SGCD: variants seen among roughly 807,000 people sequenced by gnomAD.
SGCD encodes the protein sarcoglycan delta.
A neutral mutation model predicts 36.6 loss-of-function variants in SGCD; 18 were observed. The ratio of observed to expected loss-of-function variants is 0.49; its 90% CI spans 0.34 to 0.73. The LOEUF (loss-of-function observed/expected upper bound fraction) is 0.73. SGCD is among the 30% of genes least tolerant of loss of function. The probability of loss-of-function intolerance (pLI) is 0.01; values close to 1 mark genes in which losing one functional copy is unlikely to be tolerated. For missense variants in SGCD, 387 were observed against 346.7 expected, an observed-to-expected ratio of 1.12 and a Z score of -0.92; for synonymous variants, 133 against 130.6, an observed-to-expected ratio of 1.02 and a Z score of -0.12.
At chr5:155,904,855 T>G (rs1351690181) in intron 1 of SGCD, among the ~76,000 whole-genome samples, 1 of 152,218 alleles carries the variant, frequency 6.6e-6, no homozygotes, top group Non-Finnish European at 1.5e-5. Flanking sequence ...ATGTTTAATC[T>G]TGTAGTGCAA....
At chr5:156,486,687 A>ACTTG (rs1755678317) in intron 3 of SGCD, among the ~76,000 whole-genome samples, 1 of 152,084 alleles carries the variant, frequency 6.6e-6, no homozygotes, top group Non-Finnish European at 1.5e-5. Context: ...CCCACCTGCC[A>ACTTG]CCATTGGCAC....
intron 3 of SGCD, among the ~76,000 whole-genome samples, chr5:156,408,345 G>T (rs1051525817): frequency 6.6e-6 from 1 of 150,854 alleles, no homozygotes; most frequent in Admixed American, 6.6e-5. Context: ...TCCTGTGGAG[G>T]AACCCAAGTT....
At chr5:156,232,211 A>G (rs1374248307) in intron 3 of SGCD, among the ~76,000 whole-genome samples, 1 of 151,802 alleles carries the variant, frequency 6.6e-6, no homozygotes, top group Non-Finnish European at 1.5e-5. Flanking sequence ...ACTTTGCTGC[A>G]ATTAGCTTAA....
the SGCD span, among the ~76,000 whole-genome samples, chr5:155,733,697 G>A: frequency 6.6e-6 from 1 of 151,992 alleles, no homozygotes; most frequent in South Asian, 2.1e-4. Flanking sequence ...CAGTGGAGAA[G>A]TAAAAGTTGA....
intron 6 of SGCD, among the ~76,000 whole-genome samples, chr5:156,620,809 A>G (rs1341128966): frequency 6.6e-6 from 1 of 152,210 alleles, no homozygotes; most frequent in East Asian, 1.9e-4. Context: ...TTACTTTCCC[A>G]AAGACTGAAT....
chr5:155,738,802 T>C, the SGCD span, among the ~76,000 whole-genome samples: 1 of 146,396 alleles, frequency 6.8e-6, no homozygotes, highest in Non-Finnish European at 1.5e-5. Flanking sequence ...GCATGTAGTG[T>C]GTGTAAGAGA....
At chr5:156,591,153 TCC>T (rs768259247) in intron 5 of SGCD, among the ~76,000 whole-genome samples, 1 of 152,102 alleles carries the variant, frequency 6.6e-6, no homozygotes, top group Non-Finnish European at 1.5e-5. Flanking sequence ...CACCCAGCCA[TCC>T]CAGCAGACAA....
chr5:156,214,953 G>T (rs1020698622), intron 3 of SGCD, among the ~76,000 whole-genome samples: 1 of 152,032 alleles, frequency 6.6e-6, no homozygotes, highest in Non-Finnish European at 1.5e-5. Context: ...AAATCAAAAT[G>T]TATTAAAGTC....
intron 1 of SGCD, among the ~76,000 whole-genome samples, chr5:155,963,904 C>G (rs371471766): frequency 1.3e-5 from 2 of 152,108 alleles, no homozygotes; most frequent in South Asian, 2.1e-4. Flanking sequence ...AAAGTTGATG[C>G]TTTGGTGCAC....
chr5:156,119,368 T>A (rs953790932), intron 2 of SGCD, among the ~76,000 whole-genome samples: 4 of 152,114 alleles, frequency 2.6e-5, no homozygotes, highest in Admixed American at 1.3e-4. Context: ...CACTTCCTAG[T>A]TATGTGATTT....
intron 3 of SGCD, among the ~76,000 whole-genome samples, chr5:156,392,670 G>A (rs1025474100): frequency 2.0e-5 from 3 of 152,172 alleles, no homozygotes; most frequent in Admixed American, 6.5e-5. Context: ...ATCATGTGTC[G>A]GCTTGGAGAA....
intron 4 of SGCD, among the ~76,000 whole-genome samples, chr5:156,578,046 A>G (rs1251936324): frequency 6.6e-6 from 1 of 152,086 alleles, no homozygotes; most frequent in Non-Finnish European, 1.5e-5. Flanking sequence ...TATTGGCTGT[A>G]GGTTTGTCAT....
At chr5:156,389,344 G>A (rs1171668678) in intron 3 of SGCD, among the ~76,000 whole-genome samples, 1 of 152,070 alleles carries the variant, frequency 6.6e-6, no homozygotes, top group South Asian at 2.1e-4. Flanking sequence ...CCCAAACTAG[G>A]GTTTCCCTCC....
At chr5:155,886,495 C>T (rs679660) in intron 1 of SGCD, among the ~76,000 whole-genome samples, 132,435 of 150,974 alleles carry the variant, frequency 0.88, 57,993 homozygotes, top group Admixed American at 0.91. Flanking sequence ...TGTGTGTGTG[C>T]GCGCACGCGC....
intron 3 of SGCD, among the ~76,000 whole-genome samples, chr5:156,348,180 GA>G (rs1235622804): frequency 6.6e-6 from 1 of 151,996 alleles, no homozygotes; most frequent in African/African-American, 2.4e-5. Context: ...TGGAGAAAGA[GA>G]AAAAAATCAA....
intron 1 of SGCD, among the ~76,000 whole-genome samples, chr5:155,874,334 G>A (rs1489583068): frequency 6.6e-6 from 1 of 151,950 alleles, no homozygotes; most frequent in African/African-American, 2.4e-5. Context: ...TCTAGAAACT[G>A]TTTGAAGAAA....
intron 1 of SGCD, among the ~76,000 whole-genome samples, chr5:155,905,236 A>G (rs1756478039): frequency 6.6e-6 from 1 of 152,206 alleles, no homozygotes; most frequent in African/African-American, 2.4e-5. Context: ...ATAAACAGCC[A>G]TAAACACTGA....
At chr5:156,106,986 A>G (rs1761663793) in intron 1 of SGCD, among the ~76,000 whole-genome samples, 1 of 152,144 alleles carries the variant, frequency 6.6e-6, no homozygotes, top group Admixed American at 6.6e-5. Flanking sequence ...TTTTTTCATC[A>G]CAGAACATAT....
chr5:155,913,012 A>G (rs1187895288), intron 1 of SGCD, among the ~76,000 whole-genome samples: 1 of 152,150 alleles, frequency 6.6e-6, no homozygotes, highest in Non-Finnish European at 1.5e-5. Context: ...GATTTTTCCG[A>G]ACTTTTGCAT....
Sources: allele counts gnomAD v4.1 joint callset (sites outside exome capture counted in the v4.1 genomes callset), GRCh38; gene constraint gnomAD v4.1.1; transcripts MANE v1.5; gene names NCBI Gene and HGNC (gene_info 2026-07-23, HGNC 2026-07-21).